The following ZFAND3 variants were observed in gnomAD, a reference collection of about 807,000 sequenced individuals.
ZFAND3 encodes AN1-type zinc finger protein 3.
Under a neutral mutation model 29.6 loss-of-function variants are expected in ZFAND3, and 10 were observed. That is an observed-to-expected ratio of 0.34 (90% CI 0.21 to 0.57). The LOEUF (loss-of-function observed/expected upper bound fraction) is 0.57. ZFAND3 is among the 20% of genes least tolerant of loss of function. ZFAND3 has a pLI of 0.86. For missense variants in ZFAND3, 230 were observed against 304.5 expected (o/e 0.76, Z 1.82); for synonymous variants, 128 against 112.6 (o/e 1.14, Z -0.87).
chr6:37,898,721 A>C (rs1765263691), intron 1 of ZFAND3, among the ~76,000 whole-genome samples: 1 of 152,174 alleles, frequency 6.6e-6, no homozygotes, highest in Non-Finnish European at 1.5e-5. Context: ...CTATGATTTA[A>C]ATTTCACTTT....
chr6:38,082,798 T>G (rs527563110), intron 4 of ZFAND3, among the ~76,000 whole-genome samples: 17 of 152,336 alleles, frequency 1.1e-4, no homozygotes, highest in African/African-American at 4.1e-4. Flanking sequence ...GAAATTTTAA[T>G]AGTTTTAATG....
chr6:37,844,949 A>G (rs1292058435), intron 1 of ZFAND3, among the ~76,000 whole-genome samples: 8 of 151,232 alleles, frequency 5.3e-5, no homozygotes, highest in Admixed American at 2.6e-4. Flanking sequence ...GCATGAACCC[A>G]GAAGGTGGAG....
At chr6:37,999,557 T>C (rs919284632) in intron 2 of ZFAND3, among the ~76,000 whole-genome samples, 6 of 152,202 alleles carry the variant, frequency 3.9e-5, no homozygotes, top group Admixed American at 1.3e-4. Context: ...TATGGTGTGA[T>C]GAGAATGGCC....
intron 1 of ZFAND3, among the ~76,000 whole-genome samples, chr6:37,820,454 C>T (rs913569985): frequency 1.3e-5 from 2 of 152,212 alleles, no homozygotes; most frequent in South Asian, 2.1e-4. Flanking sequence ...CTTCACCTCC[C>T]CTCCTCCCCG....
intron 5 of ZFAND3, among the ~76,000 whole-genome samples, chr6:38,132,857 T>TC (rs1360146263): frequency 6.6e-6 from 1 of 152,060 alleles, no homozygotes; most frequent in African/African-American, 2.4e-5. Context: ...ACATACTCAT[T>TC]CCCCCTCACT....
At chr6:37,944,364 G>A (rs887550979) in intron 2 of ZFAND3, among the ~76,000 whole-genome samples, 2 of 152,114 alleles carry the variant, frequency 1.3e-5, no homozygotes, top group Admixed American at 6.5e-5. Flanking sequence ...AGTGTTTCAT[G>A]TTCTAAGATA....
intron 5 of ZFAND3, among the ~76,000 whole-genome samples, chr6:38,121,089 C>T (rs1173556974): frequency 1.3e-5 from 2 of 152,220 alleles, no homozygotes; most frequent in African/African-American, 4.8e-5. Flanking sequence ...TGTGGTGGCT[C>T]ATGCCTGTAA....
intron 2 of ZFAND3, among the ~76,000 whole-genome samples, chr6:38,004,536 C>G (rs1581831666): frequency 1.0e-4 from 1 of 9,772 alleles, no homozygotes; most frequent in African/African-American, 1.5e-4. Context: ...AAGCTGTCTA[C>G]ACACACACAC....
intron 1 of ZFAND3, among the ~76,000 whole-genome samples, chr6:37,924,712 T>C (rs1330175276): frequency 6.6e-6 from 1 of 151,602 alleles, no homozygotes; most frequent in Non-Finnish European, 1.5e-5. Flanking sequence ...TCTTATCTGC[T>C]TGGGAGGCTA....
intron 2 of ZFAND3, among the ~76,000 whole-genome samples, chr6:37,983,521 G>A (rs780842645): frequency 2.0e-4 from 31 of 151,622 alleles, no homozygotes; most frequent in Admixed American, 7.9e-4. Flanking sequence ...CACCACACCC[G>A]GCTAATTTTG....
chr6:37,864,869 T>C (rs1481951006), intron 1 of ZFAND3, among the ~76,000 whole-genome samples: 1 of 152,136 alleles, frequency 6.6e-6, no homozygotes, highest in Non-Finnish European at 1.5e-5. Flanking sequence ...CCGAGGATGC[T>C]CAAGTCCCTG....
chr6:37,963,727 CT>C (rs1561948872), intron 2 of ZFAND3, among the ~76,000 whole-genome samples: 4 of 152,132 alleles, frequency 2.6e-5, no homozygotes, highest in African/African-American at 2.4e-5. Flanking sequence ...TTCTTTCCTC[CT>C]TTTCTTTCTT....
chr6:38,030,144 T>A (rs1763531277), intron 2 of ZFAND3, among the ~76,000 whole-genome samples: 1 of 147,852 alleles, frequency 6.8e-6, no homozygotes. Flanking sequence ...TATCTTTTAT[T>A]TTTCTTTCCT....
At chr6:38,009,702 T>C (rs911165776) in intron 2 of ZFAND3, among the ~76,000 whole-genome samples, 2 of 152,216 alleles carry the variant, frequency 1.3e-5, no homozygotes, top group African/African-American at 4.8e-5. Context: ...TCCTTCATCT[T>C]AAACTCCAAT....
In ZFAND3 at chr6:37,883,006, G is replaced by A. The variant is rs186186238; in HGVS notation, c.72-46953G>A. Among the ~76,000 whole-genome samples, 512 of 152,148 alleles carry A rather than the reference G, an allele frequency of 3.4e-3. 2 individuals carry two copies. Among genetic ancestry groups the A allele is most frequent in the Non-Finnish European group, 5.4e-3 (366 of 68,006 alleles). Reference sequence around the variant, plus strand: ...GGCCAAGGCAGAAGAATCATTTGAGGCCAGGAGTTCAAGACCAGCCTGGGC... The same window carrying A: ...GGCCAAGGCAGAAGAATCATTTGAGACCAGGAGTTCAAGACCAGCCTGGGC... On this transcript the variant is annotated intron_variant, in intron 1 of 5. Transcript: ENST00000287218.
At chr6:37,955,151 G>GTGTA (rs1762065131) in intron 2 of ZFAND3, among the ~76,000 whole-genome samples, 1 of 147,894 alleles carries the variant, frequency 6.8e-6, no homozygotes, top group African/African-American at 2.5e-5. Flanking sequence ...ACCAATTTTT[G>GTGTA]TGTGTGTGTG....
At chr6:37,861,642 A>G (rs983098081) in intron 1 of ZFAND3, among the ~76,000 whole-genome samples, 20 of 152,188 alleles carry the variant, frequency 1.3e-4, no homozygotes, top group African/African-American at 4.8e-4. Context: ...ATTATGAAAG[A>G]ATTATGAAAC....
chr6:37,876,739 G>A (rs976828971), intron 1 of ZFAND3, among the ~76,000 whole-genome samples: 1 of 152,212 alleles, frequency 6.6e-6, no homozygotes, highest in Non-Finnish European at 1.5e-5. Context: ...TGAAAGAGCA[G>A]TAAGCCTCTT....
intron 4 of ZFAND3, among the ~76,000 whole-genome samples, chr6:38,101,772 C>CAAAAA (rs57491627): frequency 9.4e-5 from 4 of 42,748 alleles, no homozygotes; most frequent in African/African-American, 3.1e-4. Context: ...GACTCCCTCT[C>CAAAAA]AAAAAAAAAA....
Sources: allele counts gnomAD v4.1 joint callset (sites outside exome capture counted in the v4.1 genomes callset), GRCh38; gene constraint gnomAD v4.1.1; transcripts MANE v1.5; gene names NCBI Gene and HGNC (gene_info 2026-07-23, HGNC 2026-07-21).